The following SLC10A7 variants were observed in gnomAD, a reference collection of about 807,000 sequenced individuals.
The protein encoded by SLC10A7 is solute carrier family 10 member 7.
SLC10A7 carries 29 observed loss-of-function variants against 43.2 expected under a neutral mutation model. The observed-to-expected ratio is 0.67, with a 90% CI of 0.50 to 0.92. The LOEUF is 0.92. SLC10A7 is among the 40% of genes least tolerant of loss of function. SLC10A7 has a pLI of 0.00. For missense variants in SLC10A7, 295 were observed against 403.2 expected (o/e 0.73, Z 2.30); for synonymous variants, 152 against 144.8 (o/e 1.05, Z -0.35).
Position 146,372,184 on chromosome 4 carries a change from T to C in SLC10A7, c.436-46188A>G, listed in dbSNP as rs573694287. 2.6e-5 allele frequency among the ~76,000 whole-genome samples: 4 copies of C among 152,234 alleles called. No individual in the cohort carries two copies. In the East Asian group the frequency reaches 5.8e-4, roughly 22 times the overall value. On this transcript the variant is annotated intron_variant, in intron 5 of 11. Transcript: ENST00000335472. ...CAGTTACAAAGCTGGCTGGGTGCAGTAGCTTTTGTCCATAATTCTAGCACT... is the reference window on the plus strand; with the variant it reads ...CAGTTACAAAGCTGGCTGGGTGCAGCAGCTTTTGTCCATAATTCTAGCACT...
chr4:146,487,484 C>T (rs189450670), intron 4 of SLC10A7, among the ~76,000 whole-genome samples: 144 of 152,280 alleles, frequency 9.5e-4, no homozygotes, highest in African/African-American at 3.4e-3. Context: ...TGACAGTCAT[C>T]CCTCAGAAAA....
chr4:146,369,076 T>C (rs1736590396), intron 5 of SLC10A7, among the ~76,000 whole-genome samples: 1 of 152,160 alleles, frequency 6.6e-6, no homozygotes, highest in Non-Finnish European at 1.5e-5. Context: ...CTATTCATGA[T>C]TAGTATCACA....
intron 10 of SLC10A7, among the ~76,000 whole-genome samples, chr4:146,260,305 G>A (rs1007948435): frequency 4.6e-5 from 7 of 152,152 alleles, no homozygotes; most frequent in Non-Finnish European, 7.4e-5. Flanking sequence ...AACTCCTCCT[G>A]TTTCCAAGAA....
chr4:146,326,526 G>A (rs1239757643), intron 5 of SLC10A7, among the ~76,000 whole-genome samples: 1 of 152,190 alleles, frequency 6.6e-6, no homozygotes, highest in African/African-American at 2.4e-5. Context: ...TGTCTCCATG[G>A]TGGAAGGCAA....
At chr4:146,290,483 G>T (rs559162176) in intron 9 of SLC10A7, among the ~76,000 whole-genome samples, 6 of 152,170 alleles carry the variant, frequency 3.9e-5, no homozygotes, top group Non-Finnish European at 8.8e-5. Context: ...CGGGGAGGGG[G>T]TGCAGAGAGG....
At chr4:146,323,608 C>T (rs1732891726) in intron 6 of SLC10A7, among the ~76,000 whole-genome samples, 1 of 152,160 alleles carries the variant, frequency 6.6e-6, no homozygotes, top group African/African-American at 2.4e-5. Flanking sequence ...CAGTACCATG[C>T]TGTTTTGGTT....
intron 5 of SLC10A7, among the ~76,000 whole-genome samples, chr4:146,348,724 C>T (rs1328879414): frequency 1.3e-5 from 2 of 152,048 alleles, no homozygotes; most frequent in East Asian, 3.9e-4. Flanking sequence ...CTTCATTGTT[C>T]AACACTTTCT....
chr4:146,331,808 A>C (rs1450481306), intron 5 of SLC10A7, among the ~76,000 whole-genome samples: 1 of 152,190 alleles, frequency 6.6e-6, no homozygotes, highest in Non-Finnish European at 1.5e-5. Context: ...ACAGTTAGTG[A>C]AAAGTCTATT....
intron 5 of SLC10A7, among the ~76,000 whole-genome samples, chr4:146,371,657 T>C (rs1321898052): frequency 6.6e-6 from 1 of 152,104 alleles, no homozygotes; most frequent in East Asian, 1.9e-4. Flanking sequence ...CTCCTAGGAG[T>C]GACCTGGGGT....
chr4:146,311,899 T>C (rs971462899), intron 6 of SLC10A7, among the ~76,000 whole-genome samples: 8 of 152,216 alleles, frequency 5.3e-5, no homozygotes, highest in South Asian at 2.1e-4. Context: ...CTATACACGA[T>C]ATAGTTCAGC....
At chr4:146,395,917 G>T (rs1170317857) in intron 5 of SLC10A7, among the ~76,000 whole-genome samples, 1 of 152,114 alleles carries the variant, frequency 6.6e-6, no homozygotes. Flanking sequence ...AAATCAATGA[G>T]ATGTCCTCAT....
chr4:146,335,734 C>T (rs761270042), intron 5 of SLC10A7, among the ~76,000 whole-genome samples: 6 of 151,998 alleles, frequency 3.9e-5, no homozygotes, highest in Admixed American at 6.6e-5. Flanking sequence ...TTTGAAATGA[C>T]CAGAAAAACT....
intron 5 of SLC10A7, among the ~76,000 whole-genome samples, chr4:146,385,575 C>T (rs950935190): frequency 6.6e-6 from 1 of 152,074 alleles, no homozygotes; most frequent in African/African-American, 2.4e-5. Flanking sequence ...TTTCCCTCAA[C>T]TTAAAAATAA....
In SLC10A7 at chr4:146,307,498, T is replaced by C. The variant is rs901842720; in HGVS notation, c.472-1489A>G. ...AGCTCTATTTTAAAGCAACTATGTC[T>C]CTGCAGCACAAGGTGCTTAACAAAT... On this transcript the variant is annotated intron_variant, in intron 6 of 11. Coordinates refer to ENST00000335472, the MANE Select transcript of SLC10A7 (RefSeq NM_001029998.6). Among the ~76,000 whole-genome samples, 18 of 152,144 alleles carry C rather than the reference T, an allele frequency of 1.2e-4. 1 individual carries two copies. Among genetic ancestry groups the C allele is most frequent in the Admixed American group, 1.1e-3 (17 of 15,268 alleles).
At chr4:146,264,340 T>C (rs1728421015) in intron 10 of SLC10A7, among the ~76,000 whole-genome samples, 1 of 152,230 alleles carries the variant, frequency 6.6e-6, no homozygotes, top group Admixed American at 6.5e-5. Flanking sequence ...CTTCTTAGAT[T>C]AAATATGGAC....
At chr4:146,496,767 G>A (rs1045860343) in intron 4 of SLC10A7, among the ~76,000 whole-genome samples, 3 of 152,062 alleles carry the variant, frequency 2.0e-5, no homozygotes, top group African/African-American at 7.2e-5. Context: ...CAAAAACTTC[G>A]GGTAAATAAA....
intron 4 of SLC10A7, among the ~76,000 whole-genome samples, chr4:146,472,729 T>G (rs143518694): frequency 6.6e-6 from 1 of 152,312 alleles, no homozygotes; most frequent in East Asian, 1.9e-4. Flanking sequence ...TGCCAAGCAG[T>G]GGTGCCCAAT....
In SLC10A7 at chr4:146,351,113, C is replaced by A. The variant is rs1735062556; in HGVS notation, c.436-25117G>T. ...TACAGGAGGACATTCAAACCAAAGG[C>A]AAAGAAGTTGAAAACTTTGAAAAAA... is the stretch of plus-strand genomic sequence containing the variant. On this transcript the variant is annotated intron_variant, in intron 5 of 11. Transcript: ENST00000335472. 2.6e-5 allele frequency among the ~76,000 whole-genome samples: 4 copies of A among 150,968 alleles called. 1 individual carries two copies. The highest frequency in any genetic ancestry group is 9.8e-5 in the African/African-American group (4 of 40,724).
At chr4:146,482,743 C>T (rs557905524) in intron 4 of SLC10A7, among the ~76,000 whole-genome samples, 1 of 152,180 alleles carries the variant, frequency 6.6e-6, no homozygotes, top group South Asian at 2.1e-4. Context: ...CTATGAAGCT[C>T]AAAGTTCCCA....
Sources: allele counts gnomAD v4.1 joint callset (sites outside exome capture counted in the v4.1 genomes callset), GRCh38; gene constraint gnomAD v4.1.1; transcripts MANE v1.5; gene names NCBI Gene and HGNC (gene_info 2026-07-23, HGNC 2026-07-21).